ASB2: variants seen among roughly 807,000 people sequenced by gnomAD.
ASB2 encodes the protein ankyrin repeat and SOCS box protein 2.
Under a neutral mutation model 62.4 loss-of-function variants are expected in ASB2, and 58 were observed. That is an observed-to-expected ratio of 0.93 (90% confidence interval 0.75 to 1.16). ASB2 has a LOEUF of 1.16. Among genes scored for constraint, ASB2 ranks in the 50% most tolerant of loss-of-function variants. ASB2 has a pLI of 0.00. For synonymous variants in ASB2, 386 were observed against 385.3 expected (o/e 1.00, Z -0.02); for missense variants, 928 against 887.9 (o/e 1.05, Z -0.57).
At chr14:93,943,515 A>G (rs1463399815) in intron 7 of ASB2, among the ~76,000 whole-genome samples, 1 of 152,222 alleles carries the variant, frequency 6.6e-6, no homozygotes, top group African/African-American at 2.4e-5. Context: ...ACAGTGGTGG[A>G]CACCTGTAAT....
At chr14:93,960,010 C>G (rs1889355387) in intron 2 of ASB2, among the ~76,000 whole-genome samples, 1 of 144,536 alleles carries the variant, frequency 6.9e-6, no homozygotes, top group African/African-American at 2.7e-5. Flanking sequence ...TGCCACGAGT[C>G]CACCCCACGC....
intron 9 of ASB2, among the ~76,000 whole-genome samples, chr14:93,937,438 C>T (rs910472039): frequency 2.6e-5 from 4 of 152,184 alleles, no homozygotes; most frequent in African/African-American, 9.7e-5. Flanking sequence ...TTTAAAACAT[C>T]ATGGAAAGAT....
Position 93,961,172 on chromosome 14 carries a change from A to G in ASB2, c.206+3162T>C, listed in dbSNP as rs186406545. Among the ~76,000 whole-genome samples, 88 of 152,298 alleles carry G rather than the reference A, an allele frequency of 5.8e-4. 2 individuals are homozygous for G. The highest frequency in any genetic ancestry group is 2.1e-3 in the African/African-American group (86 of 41,556). ...AGCTGCAAGATGTGGGAAGGCTCCA[A>G]CGCCCACCTCATCTTATTTGCTTTT... is the stretch of plus-strand genomic sequence containing the variant. On this transcript the variant is annotated intron_variant, in intron 2 of 9. Transcript: ENST00000555019.
At chr14:93,973,774 C>T (rs1410655051) in intron 1 of ASB2, among the ~76,000 whole-genome samples, 1 of 152,230 alleles carries the variant, frequency 6.6e-6, no homozygotes, top group Non-Finnish European at 1.5e-5. Flanking sequence ...CCATATTCTG[C>T]CCAGGCACTA....
chr14:93,961,255 A>G lies in ASB2; in HGVS notation c.206+3079T>C, dbSNP rs181799501. On this transcript the variant is annotated intron_variant, in intron 2 of 9. Coordinates refer to ENST00000555019, the MANE Select transcript of ASB2 (RefSeq NM_001202429.2). ...TTTTGTTGTTGCTGTTATAAAGATG[A>G]GGCCACTGGGGCTCAGATAGGGTTA... Among the ~76,000 whole-genome samples the G allele has an allele frequency of 3.6e-3, 549 of 152,364 alleles. 2 individuals are homozygous for G. Among genetic ancestry groups the G allele is most frequent in the Middle Eastern group, 0.01 (3 of 294 alleles).
intron 6 of ASB2, 33 bp downstream of exon 6, chr14:93,950,966 G>T (rs371341002): frequency 6.3e-7 from 1 of 1,592,544 alleles, no homozygotes. Flanking sequence ...GCCCTTTGGG[G>T]ACTCCATGAC....
intron 9 of ASB2, among the ~76,000 whole-genome samples, chr14:93,936,518 C>T (rs970024552): frequency 7.2e-5 from 11 of 152,326 alleles, no homozygotes; most frequent in Middle Eastern, 3.4e-3. Flanking sequence ...GTTTATCATG[C>T]GTCTAGAGTT....
Position 93,967,884 on chromosome 14 carries a change from C to T in ASB2, c.-73-3272G>A, listed in dbSNP as rs375132438. Among the ~76,000 whole-genome samples the T allele has an allele frequency of 1.9e-4, 29 of 152,004 alleles. No homozygotes were observed. The Middle Eastern group carries it at 0.01, about 53-fold the overall frequency. On this transcript the variant is annotated intron_variant, in intron 1 of 9. Transcript: ENST00000555019. ...ATTCTGCAACTTACTAGCTATATGA[C>T]CTGGGGCAGGTCACTTCCCCTTTTC...
intron 2 of ASB2, among the ~76,000 whole-genome samples, chr14:93,958,440 C>A (rs541208907): frequency 1.3e-5 from 2 of 152,308 alleles, no homozygotes; most frequent in South Asian, 4.1e-4. Flanking sequence ...TGGCCTCTTC[C>A]TGCCTTTTCG....
In ASB2 at chr14:93,947,453, A is replaced by G. The variant is rs776188324; in HGVS notation, c.948T>C (p.His316=). 2.5e-6 allele frequency: 4 copies of G among 1,613,996 alleles called. No individual in the cohort carries two copies. The highest frequency in any genetic ancestry group is 2.2e-5 in the South Asian group (2 of 91,088). The part of the protein sequence containing the change: ...SALYEACKNE[H]EEVVEFLLSQ... ...ACAGCAGAAACTCCACCACCTCCTC[A>G]TGCTCATTCTTGCAGGCCTCGTAGA... Residue 316 remains histidine (H), a synonymous_variant, in exon 7 of 10, where the codon CAT becomes CAC. Coordinates refer to ENST00000555019, the MANE Select transcript of ASB2 (RefSeq NM_001202429.2).
At chr14:93,944,403 G>A (rs551419741) in intron 7 of ASB2, among the ~76,000 whole-genome samples, 1 of 152,354 alleles carries the variant, frequency 6.6e-6, no homozygotes, top group South Asian at 2.1e-4. Flanking sequence ...CACCCCTTGC[G>A]GTTAAGTGTG....
In ASB2 at chr14:93,939,497, G is replaced by A. The variant is rs771406669; in HGVS notation, c.1228C>T (p.Arg410Trp). Residue 410 changes from arginine (R) to tryptophan (W), a missense_variant, in exon 8 of 10, where the codon CGG (arginine) becomes TGG (tryptophan). Physicochemically the swap from Arg to Trp is moderately radical, Grantham distance 101 (BLOSUM62 -3). Coordinates refer to ENST00000555019, the MANE Select transcript of ASB2 (RefSeq NM_001202429.2). ...GCGAAGTACAGCGCGGAGCTGCGCC[G>A]GTCTTCGTAGAGGCGCGCGCGCTCG... ...APERARLYED[R>W]RSSALYFAVV... 2.0e-5 allele frequency: 33 copies of A among 1,610,388 alleles called. No homozygotes were observed. In the Admixed American group the frequency reaches 3.0e-4, roughly 15 times the overall value.
At chr14:93,960,738 T>C (rs935661198) in intron 2 of ASB2, among the ~76,000 whole-genome samples, 28 of 152,210 alleles carry the variant, frequency 1.8e-4, no homozygotes, top group African/African-American at 6.3e-4. Context: ...CAGAAGCAAA[T>C]TGGGAAATGG....
chr14:93,946,268 G>T (rs150140432), intron 7 of ASB2, among the ~76,000 whole-genome samples: 1 of 152,164 alleles, frequency 6.6e-6, no homozygotes. Context: ...GGGTTGACCC[G>T]CATACCCGCA....
chr14:93,936,603 T>C (rs941142774), intron 9 of ASB2, among the ~76,000 whole-genome samples: 3 of 152,254 alleles, frequency 2.0e-5, no homozygotes, highest in Non-Finnish European at 4.4e-5. Flanking sequence ...AAGGCTTCAA[T>C]TCAAGTGGCT....
intron 7 of ASB2, 87 bp from the exon 8 acceptor site, chr14:93,939,759 GC>G: frequency 9.1e-7 from 1 of 1,096,970 alleles, no homozygotes; most frequent in Non-Finnish European, 1.2e-6. Context: ...GAGCTCGGGC[GC>G]CAGGCTCGGC....
intron 1 of ASB2, among the ~76,000 whole-genome samples, chr14:93,972,075 A>G (rs901145313): frequency 6.7e-6 from 1 of 149,568 alleles, no homozygotes; most frequent in African/African-American, 2.4e-5. Context: ...ATACACACAT[A>G]TACATACTTT....
chr14:93,975,334 T>C (rs563589137), intron 1 of ASB2, among the ~76,000 whole-genome samples: 6 of 152,336 alleles, frequency 3.9e-5, no homozygotes, highest in Admixed American at 3.3e-4. Flanking sequence ...TTCCAGTGCA[T>C]ACCCCTGGCT....
At chr14:93,963,533 G>A (rs573867795) in intron 2 of ASB2, among the ~76,000 whole-genome samples, 8 of 152,304 alleles carry the variant, frequency 5.3e-5, no homozygotes, top group South Asian at 4.1e-4. Flanking sequence ...GATCTGCACC[G>A]TCTGATAAGG....
Sources: allele counts gnomAD v4.1 joint callset (sites outside exome capture counted in the v4.1 genomes callset), GRCh38; gene constraint gnomAD v4.1.1; transcripts MANE v1.5; gene names NCBI Gene and HGNC (gene_info 2026-07-23, HGNC 2026-07-21).